The following DLC1 variants were observed in gnomAD, a reference collection of about 807,000 sequenced individuals.
DLC1 encodes DLC1 Rho GTPase activating protein, also known as rho GTPase-activating protein 7.
DLC1 carries 54 observed loss-of-function variants against 140.3 expected under a neutral mutation model. That is an observed-to-expected ratio of 0.38 (90% CI 0.31 to 0.48). The LOEUF (loss-of-function observed/expected upper bound fraction) is 0.48, where lower values mean the gene tolerates loss of function less well. DLC1 is among the 20% of genes least tolerant of loss of function. The probability of loss-of-function intolerance (pLI) is 0.96; values close to 1 mark genes in which losing one functional copy is unlikely to be tolerated. For missense variants in DLC1, 2,536 were observed against 1,907.0 expected, an observed-to-expected ratio of 1.33 and a Z score of -6.14; for synonymous variants, 986 against 728.1, an observed-to-expected ratio of 1.35 and a Z score of -5.70.
chr8:13,553,613 A>G lies in DLC1; in HGVS notation c.-126+50924T>C, dbSNP rs79229008. Among the ~76,000 whole-genome samples, 9 of 152,074 alleles carry G rather than the reference A, an allele frequency of 5.9e-5. No individual in the cohort carries two copies. In the East Asian group the frequency reaches 1.8e-3, roughly 30 times the overall value. ...ACAGTCCTCTCACCTTCAGCCTCCC[A>G]AAGTGCTTGGATTGCAGGCATGAGC... On this transcript the variant is annotated intron_variant, in intron 1 of 1. Coordinates refer to the DLC1 transcript ENST00000631382.
intron 5 of DLC1, among the ~76,000 whole-genome samples, chr8:13,165,002 C>G (rs1330812086): frequency 6.6e-6 from 1 of 152,142 alleles, no homozygotes; most frequent in African/African-American, 2.4e-5. Context: ...AAATTGTCAT[C>G]TGAATATGGT....
chr8:13,559,396 A>G (rs1388089730), intron 1 of DLC1: 1 of 152,222 alleles, frequency 6.6e-6, no homozygotes, highest in Non-Finnish European at 1.5e-5. Flanking sequence ...TATCTAAAAT[A>G]AGGAGATAAA....
Position 13,188,399 on chromosome 8 carries a change from G to T in DLC1, c.1349-72742C>A, listed in dbSNP as rs540631065. ...TGTGCCACTGCACTCCAGCCTGGGT[G>T]ACAGAGCAAGACTCCGTCTCAAAAA... is the stretch of plus-strand genomic sequence containing the variant. On this transcript the variant is annotated intron_variant, in intron 5 of 17. Transcript: ENST00000276297. Among the ~76,000 whole-genome samples, 446 of 107,250 alleles carry T rather than the reference G, an allele frequency of 4.2e-3. 6 individuals carry two copies. The highest frequency in any genetic ancestry group is 0.016 in the African/African-American group (432 of 27,276). The allele number at this position is 107,250 out of a possible 152,430, so 70.4% of individuals were successfully genotyped here.
At chr8:13,512,066 A>G (rs1231753534) in intron 1 of DLC1, among the ~76,000 whole-genome samples, 4 of 152,076 alleles carry the variant, frequency 2.6e-5, no homozygotes, top group African/African-American at 4.8e-5. Context: ...GTGATGTGCT[A>G]TCTTTTACTA....
At chr8:13,231,403 C>T (rs564105081) in intron 5 of DLC1, among the ~76,000 whole-genome samples, 1 of 152,300 alleles carries the variant, frequency 6.6e-6, no homozygotes, top group Admixed American at 6.5e-5. Flanking sequence ...AAACCTTATT[C>T]TTCTTCTGTG....
At chr8:13,480,111 T>C (rs1034258294) in intron 2 of DLC1, among the ~76,000 whole-genome samples, 4 of 152,088 alleles carry the variant, frequency 2.6e-5, no homozygotes, top group African/African-American at 7.2e-5. Flanking sequence ...GACATCAGTG[T>C]GACATATAGA....
intron 2 of DLC1, among the ~76,000 whole-genome samples, chr8:13,411,080 A>G (rs1837760740): frequency 1.3e-5 from 2 of 152,232 alleles, no homozygotes; most frequent in African/African-American, 2.4e-5. Context: ...TATTCAAATG[A>G]GTTGAAAATG....
At position 13,401,622 on chromosome 8, in the gene DLC1, G is replaced by A. The variant is rs1837303791; in HGVS notation, c.1024-3C>T. On this transcript the variant is annotated splice_polypyrimidine_tract_variant and splice_region_variant and intron_variant, in intron 2 of 17. Transcript: ENST00000276297. Reference sequence around the variant, plus strand: ...CTATCTCGATCTTCTCTTATTTCCTGAGGAACAGAACATTTTGTTACTGAA... The same window carrying A: ...CTATCTCGATCTTCTCTTATTTCCTAAGGAACAGAACATTTTGTTACTGAA... 6.2e-7 allele frequency: 1 copy of A among 1,611,652 alleles called. No individual in the cohort carries two copies. Among genetic ancestry groups the A allele is most frequent in the South Asian group, 1.1e-5 (1 of 90,574 alleles).
chr8:13,420,320 G>T (rs1838257569), intron 2 of DLC1, among the ~76,000 whole-genome samples: 1 of 152,094 alleles, frequency 6.6e-6, no homozygotes, highest in Admixed American at 6.6e-5. Flanking sequence ...TAGCATGAAA[G>T]GAGAAAGTAG....
chr8:13,214,533 G>A (rs1828099271), intron 5 of DLC1: 1 of 688,162 alleles, frequency 1.5e-6, no homozygotes, highest in Non-Finnish European at 2.6e-6. Context: ...TTACTGAAGA[G>A]CTGTCCCCCG....
chr8:13,203,664 T>C lies in DLC1; in HGVS notation c.1349-88007A>G, dbSNP rs374811922. On this transcript the variant is annotated intron_variant, in intron 5 of 17. Coordinates refer to ENST00000276297, the MANE Select transcript of DLC1 (RefSeq NM_182643.3). ...GAATGTCCTCCCCCTCCCTCTGTGG[T>C]GTACTCGGTTGTAAACATAGGCTTT... Among the ~76,000 whole-genome samples, 16 of 152,294 alleles carry C rather than the reference T, an allele frequency of 1.1e-4. No individual in the cohort carries two copies. The East Asian group carries it at 2.7e-3, about 26-fold the overall frequency.
intron 5 of DLC1, among the ~76,000 whole-genome samples, chr8:13,226,844 G>T (rs1004879293): frequency 6.6e-6 from 1 of 152,156 alleles, no homozygotes; most frequent in Admixed American, 6.5e-5. Flanking sequence ...GGAAGATTCT[G>T]GTTTAGTAGA....
chr8:13,253,453 T>C (rs547913806), intron 5 of DLC1, among the ~76,000 whole-genome samples: 2 of 132,062 alleles, frequency 1.5e-5, no homozygotes, highest in African/African-American at 5.7e-5. Flanking sequence ...GTGTGTGTGA[T>C]TGTATGTGTG....
chr8:13,603,816 C>T (rs926963689), intron 1 of DLC1, among the ~76,000 whole-genome samples: 2 of 152,084 alleles, frequency 1.3e-5, no homozygotes, highest in African/African-American at 4.8e-5. Context: ...ACCTCAAAGG[C>T]AACCGATCAT....
chr8:13,420,187 G>A (rs1838252669), intron 2 of DLC1, among the ~76,000 whole-genome samples: 1 of 151,890 alleles, frequency 6.6e-6, no homozygotes, highest in Non-Finnish European at 1.5e-5. Flanking sequence ...TTAATTTTTT[G>A]AAGGGTTTTT....
chr8:13,192,385 A>G (rs766459010), intron 5 of DLC1, among the ~76,000 whole-genome samples: 1 of 152,214 alleles, frequency 6.6e-6, no homozygotes, highest in South Asian at 2.1e-4. Flanking sequence ...GTGAATATTG[A>G]CTTAGAACGA....
chr8:13,316,481 C>T (rs1563248126), intron 4 of DLC1, among the ~76,000 whole-genome samples: 4 of 151,964 alleles, frequency 2.6e-5, no homozygotes. Flanking sequence ...AAAAGTGTCC[C>T]AGTCTGGATG....
intron 4 of DLC1, among the ~76,000 whole-genome samples, chr8:13,351,401 T>G (rs1262634243): frequency 6.6e-6 from 1 of 152,214 alleles, no homozygotes; most frequent in Non-Finnish European, 1.5e-5. Flanking sequence ...CATTGCAATG[T>G]TAGTTTTCCT....
chr8:13,143,232 CA>C (rs1823146762), intron 5 of DLC1, among the ~76,000 whole-genome samples: 1 of 152,034 alleles, frequency 6.6e-6, no homozygotes, highest in South Asian at 2.1e-4. Context: ...TATACTAAAC[CA>C]TCAATTAAAT....
Sources: gnomAD v4.1 joint callset for allele counts (sites outside exome capture counted in the v4.1 genomes callset) on GRCh38, gnomAD v4.1.1 for gene constraint, MANE v1.5 for transcripts, NCBI Gene and HGNC (gene_info 2026-07-23, HGNC 2026-07-21) for gene names.